The following ASPH variants were observed in gnomAD, a reference collection of about 807,000 sequenced individuals.
ASPH encodes aspartyl/asparaginyl beta-hydroxylase.
In ASPH, 100 loss-of-function variants were observed where a neutral mutation model predicts 118.4. The observed-to-expected ratio is 0.84, with a 90% CI of 0.72 to 1.00. The LOEUF (loss-of-function observed/expected upper bound fraction) is 1.00, where lower values mean the gene tolerates loss of function less well. Among genes scored for constraint, ASPH ranks in the 50% least tolerant of loss-of-function variants. The pLI is 0.00. For missense variants in ASPH, 920 were observed against 919.5 expected (o/e 1.00, Z -0.01); for synonymous variants, 315 against 325.6 (o/e 0.97, Z 0.35).
intron 13 of ASPH, chr8:61,625,966 C>A: frequency 1.7e-6 from 2 of 1,148,226 alleles, no homozygotes; most frequent in Non-Finnish European, 2.1e-6. Flanking sequence ...GAAAAACACA[C>A]ATAAATTCAG....
chr8:61,539,701 T>G lies in ASPH; in HGVS notation c.1764+8370A>C, dbSNP rs144924882. ...TGATGGTCACCTAACACTTCTGGGG[T>G]GTGTGTGTGTGTGTGTGTGTGTGTG... On this transcript the variant is annotated intron_variant, in intron 21 of 24. Transcript: ENST00000379454. Among the ~76,000 whole-genome samples the G allele has an allele frequency of 4.5e-4, 23 of 50,926 alleles. 1 individual carries two copies. In the African/African-American group the frequency reaches 4.5e-3, roughly 10 times the overall value. 33.4% of individuals were successfully genotyped at this position (50,926 alleles called of 152,430 possible).
chr8:61,510,412 C>T (rs1808383802), intron 24 of ASPH, among the ~76,000 whole-genome samples: 1 of 152,178 alleles, frequency 6.6e-6, no homozygotes, highest in Non-Finnish European at 1.5e-5. Flanking sequence ...AGAAACATTA[C>T]TATAAATAGT....
intron 12 of ASPH, among the ~76,000 whole-genome samples, chr8:61,637,385 T>C (rs929166184): frequency 6.6e-6 from 1 of 152,194 alleles, no homozygotes; most frequent in Admixed American, 6.6e-5. Context: ...CAGTGCCTAC[T>C]ACGAGGAGCA....
chr8:61,597,385 C>T (rs1374596344), intron 14 of ASPH, among the ~76,000 whole-genome samples: 1 of 151,976 alleles, frequency 6.6e-6, no homozygotes, highest in Non-Finnish European at 1.5e-5. Context: ...AAGATTATTA[C>T]ATAATATATG....
chr8:61,513,976 A>C (rs1157816820), intron 24 of ASPH, among the ~76,000 whole-genome samples: 2 of 152,144 alleles, frequency 1.3e-5, no homozygotes, highest in Non-Finnish European at 2.9e-5. Flanking sequence ...CAGGTCTCCC[A>C]GCATCACTCC....
intron 6 of ASPH, 146 bp downstream of exon 6, chr8:61,646,604 T>A (rs1808100961): frequency 7.1e-6 from 6 of 847,358 alleles, no homozygotes; most frequent in South Asian, 6.1e-5. Context: ...TAAGAAAAAA[T>A]TTGCTTTAAT....
At chr8:61,696,572 C>G (rs1224093894) in intron 1 of ASPH, among the ~76,000 whole-genome samples, 1 of 152,036 alleles carries the variant, frequency 6.6e-6, no homozygotes, top group African/African-American at 2.4e-5. Context: ...ACCTCACAGG[C>G]TAGTTCCTCA....
chr8:61,616,986 G>C (rs1849258598), intron 14 of ASPH, among the ~76,000 whole-genome samples: 3 of 152,186 alleles, frequency 2.0e-5, no homozygotes, highest in Admixed American at 1.3e-4. Flanking sequence ...TGTTTTGAGG[G>C]GGAAAGATCA....
At chr8:61,637,865 T>C (rs999715194) in intron 12 of ASPH, 82 bp downstream of exon 12, 14 of 1,346,186 alleles carry the variant, frequency 1.0e-5, no homozygotes, top group South Asian at 7.6e-5. Flanking sequence ...AGACAGCAAG[T>C]AGGAAATGTT....
intron 1 of ASPH, among the ~76,000 whole-genome samples, chr8:61,694,345 C>T (rs1420892730): frequency 6.6e-6 from 1 of 152,188 alleles, no homozygotes; most frequent in African/African-American, 2.4e-5. Context: ...TCTTGCTCTT[C>T]CCATCACAGA....
In ASPH at chr8:61,601,670, G is replaced by C. The variant is rs531923298; in HGVS notation, c.976+17308C>G. On this transcript the variant is annotated intron_variant, in intron 14 of 24. Coordinates refer to ENST00000379454, the MANE Select transcript of ASPH (RefSeq NM_004318.4). ...TAATTTAGAAAGCAAGAAAATACCA[G>C]AGGAAGATAATAAAAATAAAGCTGA... is the stretch of plus-strand genomic sequence containing the variant. 2.4e-4 allele frequency among the ~76,000 whole-genome samples: 36 copies of C among 151,088 alleles called. 3 individuals carry two copies. The highest frequency in any genetic ancestry group is 8.9e-4 in the African/African-American group (36 of 40,658).
At chr8:61,702,797 G>C (rs1040425972) in intron 1 of ASPH, among the ~76,000 whole-genome samples, 3 of 152,142 alleles carry the variant, frequency 2.0e-5, no homozygotes, top group Non-Finnish European at 4.4e-5. Flanking sequence ...TGTAAGGATG[G>C]TTTTAAATTA....
At chr8:61,579,016 A>G (rs1437276204) in intron 15 of ASPH, 1 of 1,610,614 alleles carries the variant, frequency 6.2e-7, no homozygotes, top group Admixed American at 1.7e-5. Context: ...GTCAAGGCAC[A>G]GTACGAGGAT....
chr8:61,681,440 C>A (rs1452886485), intron 2 of ASPH, among the ~76,000 whole-genome samples: 1 of 151,790 alleles, frequency 6.6e-6, no homozygotes, highest in South Asian at 2.1e-4. Flanking sequence ...GAAATTTCAT[C>A]ACACTATCAA....
chr8:61,643,539 T>C (rs1430211985), intron 8 of ASPH, 106 bp from the exon 9 acceptor site: 20 of 1,132,896 alleles, frequency 1.8e-5, no homozygotes, highest in Non-Finnish European at 8.9e-6. Context: ...CTTTGCCAGA[T>C]AGATGTTTTC....
intron 22 of ASPH, among the ~76,000 whole-genome samples, chr8:61,522,731 T>A (rs1813593273): frequency 6.6e-6 from 1 of 152,188 alleles, no homozygotes; most frequent in African/African-American, 2.4e-5. Context: ...GCCTCCCCAG[T>A]CATGTGGAAT....
chr8:61,514,570 G>A lies in ASPH; in HGVS notation c.2126+2958C>T, dbSNP rs561824662. ...TAAAAATACAGAAAATTAGCCAGGT[G>A]TGGTGGCGGGTGCCTGTAGTCCCAG... On this transcript the variant is annotated intron_variant, in intron 24 of 24. Transcript: ENST00000379454. 3.9e-5 allele frequency among the ~76,000 whole-genome samples: 6 copies of A among 152,220 alleles called. No individual in the cohort carries two copies. The East Asian group carries it at 9.7e-4, about 25-fold the overall frequency.
intron 1 of ASPH, among the ~76,000 whole-genome samples, chr8:61,699,080 T>C (rs1834625940): frequency 6.6e-6 from 1 of 152,208 alleles, no homozygotes; most frequent in African/African-American, 2.4e-5. Flanking sequence ...CCATATCAGT[T>C]GTGATCTCCA....
Position 61,500,727 on chromosome 8 carries a change from C to A in ASPH, c.*2632G>T, listed in dbSNP as rs748828747. 1 of 152,168 alleles carries A rather than the reference C, an allele frequency of 6.6e-6. No homozygotes were observed. The highest frequency in any genetic ancestry group is 1.5e-5 in the Non-Finnish European group (1 of 68,036). 9.4% of individuals were successfully genotyped at this position (152,168 alleles called of 1,614,324 possible). On this transcript the variant is annotated 3_prime_UTR_variant, in exon 25 of 25. Transcript: ENST00000379454. The stretch of plus-strand genomic sequence containing the variant: ...TTTAGACATCTCTTATTCGCCCAGC[C>A]ATCTGCATGACATGGGTATTTATTA...
Sources: gnomAD v4.1 joint callset for allele counts (sites outside exome capture counted in the v4.1 genomes callset) on GRCh38, gnomAD v4.1.1 for gene constraint, MANE v1.5 for transcripts, NCBI Gene and HGNC (gene_info 2026-07-23, HGNC 2026-07-21) for gene names.